Variants in GPR149 observed in about 807,000 individuals in gnomAD.
The protein encoded by GPR149 is G protein-coupled receptor 149, also known as probable G protein-coupled receptor 149.
Under a neutral mutation model 50.2 loss-of-function variants are expected in GPR149, and 50 were observed. That is an observed-to-expected ratio of 1.00 (90% CI 0.79 to 1.26). The LOEUF (loss-of-function observed/expected upper bound fraction) is 1.26. Ranked by LOEUF, GPR149 falls within the 50% of genes most tolerant of loss-of-function variation. GPR149 has a pLI of 0.00. For missense variants in GPR149, 983 were observed against 895.4 expected, an observed-to-expected ratio of 1.10 and a Z score of -1.25; for synonymous variants, 405 against 358.2, an observed-to-expected ratio of 1.13 and a Z score of -1.48.
Position 154,337,837 on chromosome 3 carries a change from A to G in GPR149, c.2058T>C (p.Asn686=), listed in dbSNP as rs765157177. 22 of 1,613,948 alleles carry G rather than the reference A, an allele frequency of 1.4e-5. No homozygotes were observed. The highest frequency in any genetic ancestry group is 1.2e-4 in the Admixed American group (7 of 60,004). The change falls in exon 4 of 4, where the codon AAT becomes AAC. Residue 686 remains asparagine (N), a synonymous_variant. Transcript: ENST00000389740. Reference sequence around the variant, plus strand: ...CTTCTACTGTGTCTGGAATGGAGATATTAATATCACCATCAGGATTACTGG... The same window carrying G: ...CTTCTACTGTGTCTGGAATGGAGATGTTAATATCACCATCAGGATTACTGG... The part of the protein sequence containing the change: ...LPTSNPDGDI[N]ISIPDTVEAH...
chr3:154,377,711 G>T lies in GPR149; in HGVS notation c.1624-39440C>A, dbSNP rs577045280. Among the ~76,000 whole-genome samples, 12 of 152,174 alleles carry T rather than the reference G, an allele frequency of 7.9e-5. No individual in the cohort carries two copies. In the South Asian group the frequency reaches 1.2e-3, roughly 16 times the overall value. On this transcript the variant is annotated intron_variant, in intron 3 of 3. Transcript: ENST00000389740. ...AAACAACTTCTTCGTAATATAATTT[G>T]CATTCCACTAAACTAACTCATTGTA...
At chr3:154,384,323 T>C (rs1041167374) in intron 3 of GPR149, among the ~76,000 whole-genome samples, 2 of 152,186 alleles carry the variant, frequency 1.3e-5, no homozygotes, top group African/African-American at 4.8e-5. Context: ...ATAAAAAGAA[T>C]TATTCAAGAC....
chr3:154,357,750 G>T (rs1291167164), intron 3 of GPR149, among the ~76,000 whole-genome samples: 1 of 152,182 alleles, frequency 6.6e-6, no homozygotes, highest in African/African-American at 2.4e-5. Flanking sequence ...CAGGCATCTA[G>T]AACTAGAAAT....
At chr3:154,351,530 T>A (rs2108389335) in intron 3 of GPR149, among the ~76,000 whole-genome samples, 1 of 152,230 alleles carries the variant, frequency 6.6e-6, no homozygotes, top group East Asian at 1.9e-4. Context: ...GGATATTTGA[T>A]AAACTGGACT....
chr3:154,408,856 T>C (rs866408224), intron 3 of GPR149, among the ~76,000 whole-genome samples: 1 of 152,170 alleles, frequency 6.6e-6, no homozygotes, highest in Non-Finnish European at 1.5e-5. Flanking sequence ...CAAGTTTACA[T>C]CCTCCCTATA....
At chr3:154,354,835 C>G in intron 3 of GPR149, 1 of 394,092 alleles carries the variant, frequency 2.5e-6, no homozygotes, top group Non-Finnish European at 4.1e-6. Flanking sequence ...ACAGTGGCCA[C>G]AACTACCTGT....
chr3:154,344,770 C>T (rs1328944051), intron 3 of GPR149, among the ~76,000 whole-genome samples: 1 of 152,108 alleles, frequency 6.6e-6, no homozygotes, highest in Admixed American at 6.5e-5. Flanking sequence ...GGATCCTCCC[C>T]AAGAGCTTAT....
At chr3:154,349,471 A>G (rs771010186) in intron 3 of GPR149, among the ~76,000 whole-genome samples, 1 of 152,312 alleles carries the variant, frequency 6.6e-6, no homozygotes, top group African/African-American at 2.4e-5. Context: ...ACACCTTTAC[A>G]CATTCAAATT....
intron 3 of GPR149, among the ~76,000 whole-genome samples, chr3:154,371,096 G>A (rs898880223): frequency 3.3e-5 from 5 of 152,080 alleles, no homozygotes; most frequent in Non-Finnish European, 7.4e-5. Flanking sequence ...CTTATTAAAG[G>A]CAATATACCT....
At chr3:154,393,153 C>A (rs1715209441) in intron 3 of GPR149, among the ~76,000 whole-genome samples, 1 of 151,950 alleles carries the variant, frequency 6.6e-6, no homozygotes, top group African/African-American at 2.4e-5. Context: ...GGCCAATATC[C>A]TTGATGACCA....
chr3:154,389,686 G>A (rs763301036), intron 3 of GPR149, among the ~76,000 whole-genome samples: 1 of 152,076 alleles, frequency 6.6e-6, no homozygotes, highest in South Asian at 2.1e-4. Flanking sequence ...AGAAAGAATA[G>A]GACAATGAAT....
chr3:154,375,612 T>C (rs1260723917), intron 3 of GPR149, among the ~76,000 whole-genome samples: 1 of 152,224 alleles, frequency 6.6e-6, no homozygotes, highest in Non-Finnish European at 1.5e-5. Flanking sequence ...AGATGAATTA[T>C]GTTGAAAATA....
At chr3:154,345,210 CTT>C (rs1413249945) in intron 3 of GPR149, among the ~76,000 whole-genome samples, 2 of 152,110 alleles carry the variant, frequency 1.3e-5, no homozygotes, top group East Asian at 3.9e-4. Flanking sequence ...CATATTTTAA[CTT>C]TTCGCACAAA....
intron 3 of GPR149, among the ~76,000 whole-genome samples, chr3:154,366,554 G>T (rs1261000626): frequency 1.3e-5 from 2 of 152,080 alleles, no homozygotes; most frequent in African/African-American, 4.8e-5. Flanking sequence ...CTCTGTGATG[G>T]CTGTTACCTA....
intron 3 of GPR149, among the ~76,000 whole-genome samples, chr3:154,339,384 G>C (rs1014747047): frequency 1.1e-4 from 17 of 152,178 alleles, no homozygotes; most frequent in African/African-American, 3.9e-4. Flanking sequence ...GAGATAAACA[G>C]ACACTTTTTA....
intron 3 of GPR149, among the ~76,000 whole-genome samples, chr3:154,347,078 G>C (rs1713947245): frequency 6.6e-6 from 1 of 152,118 alleles, no homozygotes; most frequent in Admixed American, 6.6e-5. Context: ...AATAGAGATA[G>C]TAATTATCCT....
chr3:154,420,315 A>G (rs562604970), intron 3 of GPR149, among the ~76,000 whole-genome samples: 2 of 152,118 alleles, frequency 1.3e-5, no homozygotes, highest in South Asian at 4.1e-4. Flanking sequence ...GGAAAGAAAA[A>G]ATCTCATATC....
At chr3:154,424,180 C>T (rs1712232420) in intron 2 of GPR149, among the ~76,000 whole-genome samples, 2 of 151,766 alleles carry the variant, frequency 1.3e-5, no homozygotes, top group Admixed American at 6.6e-5. Context: ...TTTTAAGTAA[C>T]AATAAAAATT....
intron 3 of GPR149, among the ~76,000 whole-genome samples, chr3:154,420,639 C>T (rs1712115817): frequency 6.6e-6 from 1 of 151,762 alleles, no homozygotes; most frequent in African/African-American, 2.4e-5. Context: ...TTTGCCTTTA[C>T]ATGAAAAAAT....
Sources: gnomAD v4.1 joint callset for allele counts (sites outside exome capture counted in the v4.1 genomes callset) on GRCh38, gnomAD v4.1.1 for gene constraint, MANE v1.5 for transcripts, NCBI Gene and HGNC (gene_info 2026-07-23, HGNC 2026-07-21) for gene names.